Variants in FNBP1L observed in about 807,000 individuals in gnomAD.
FNBP1L encodes formin binding protein 1 like.
FNBP1L carries 36 observed loss-of-function variants against 91.2 expected under a neutral mutation model. That is an observed-to-expected ratio of 0.39 (90% CI 0.30 to 0.52). FNBP1L has a LOEUF of 0.52. Ranked by LOEUF, FNBP1L falls within the 20% of genes least tolerant of loss-of-function variation. The probability of loss-of-function intolerance (pLI) is 0.66; values close to 1 mark genes in which losing one functional copy is unlikely to be tolerated. For missense variants in FNBP1L, 571 were observed against 732.1 expected, an observed-to-expected ratio of 0.78 and a Z score of 2.54; for synonymous variants, 242 against 237.0, an observed-to-expected ratio of 1.02 and a Z score of -0.19.
intron 1 of FNBP1L, among the ~76,000 whole-genome samples, chr1:93,474,436 C>T (rs755129093): frequency 5.9e-5 from 9 of 151,862 alleles, no homozygotes; most frequent in African/African-American, 1.7e-4. Context: ...GCCCTTACTC[C>T]GAAGATAAGT....
Position 93,534,870 on chromosome 1 carries a change from G to T in FNBP1L, c.952G>T (p.Ala318Ser). The change falls in exon 9 of 17, where the codon GCC becomes TCC. Residue 318 changes from alanine to serine, a missense_variant. Coordinates refer to ENST00000271234, the MANE Select transcript of FNBP1L (RefSeq NM_001164473.3). Reference sequence around the variant, plus strand: ...GGATGCCAAAACCACAGTAGGAAAGGCCAAGGGCAAATTGTGGCTCTTTGG... The same window carrying T: ...GGATGCCAAAACCACAGTAGGAAAGTCCAAGGGCAAATTGTGGCTCTTTGG... ...KMDAKTTVGK[A>S]KGKLWLFGKK... 6.3e-7 allele frequency: 1 copy of T among 1,578,072 alleles called. No individual in the cohort carries two copies. Among genetic ancestry groups the T allele is most frequent in the Non-Finnish European group, 8.6e-7 (1 of 1,160,730 alleles).
intron 2 of FNBP1L, among the ~76,000 whole-genome samples, chr1:93,517,074 C>T (rs1460106927): frequency 5.5e-5 from 8 of 146,354 alleles, no homozygotes; most frequent in African/African-American, 1.5e-4. Context: ...GAGCCTTGCT[C>T]TGTCGCCCAG....
chr1:93,490,033 AATG>A (rs1670043153), intron 1 of FNBP1L, among the ~76,000 whole-genome samples: 1 of 152,226 alleles, frequency 6.6e-6, no homozygotes, highest in Non-Finnish European at 1.5e-5. Flanking sequence ...GTATTTTTAA[AATG>A]ATGATGACAC....
At chr1:93,547,064 GTTTATA>G (rs1672266428) in intron 13 of FNBP1L, 90 bp downstream of exon 13, 6 of 1,353,752 alleles carry the variant, frequency 4.4e-6, no homozygotes, top group Non-Finnish European at 6.1e-6. Flanking sequence ...ATCTTCAAAT[GTTTATA>G]TTTAATGTTA....
At chr1:93,495,665 T>C (rs1039705262) in intron 1 of FNBP1L, among the ~76,000 whole-genome samples, 1 of 152,194 alleles carries the variant, frequency 6.6e-6, no homozygotes, top group Non-Finnish European at 1.5e-5. Context: ...CATTTTTCTT[T>C]AACTAGTATG....
At chr1:93,508,934 C>A (rs1293573739) in intron 2 of FNBP1L, among the ~76,000 whole-genome samples, 1 of 152,130 alleles carries the variant, frequency 6.6e-6, no homozygotes, top group Non-Finnish European at 1.5e-5. Flanking sequence ...GGCTCTTTTT[C>A]CGTGGCTTTA....
chr1:93,512,492 C>T (rs1460968361), intron 2 of FNBP1L, among the ~76,000 whole-genome samples: 1 of 152,024 alleles, frequency 6.6e-6, no homozygotes. Context: ...CCACACCACA[C>T]CTATTCCAAA....
At chr1:93,467,532 A>G (rs1669132060) in intron 1 of FNBP1L, among the ~76,000 whole-genome samples, 1 of 152,148 alleles carries the variant, frequency 6.6e-6, no homozygotes, top group Non-Finnish European at 1.5e-5. Flanking sequence ...TCAGTTTTGC[A>G]AGATAAAAAG....
intron 15 of FNBP1L, among the ~76,000 whole-genome samples, chr1:93,549,855 C>CCCA: frequency 6.6e-6 from 1 of 152,128 alleles, no homozygotes; most frequent in South Asian, 2.1e-4. Flanking sequence ...TAGCTGAATG[C>CCCA]CATCATCATA....
chr1:93,519,317 T>C (rs1216243818), intron 2 of FNBP1L, among the ~76,000 whole-genome samples: 1 of 152,228 alleles, frequency 6.6e-6, no homozygotes, highest in Non-Finnish European at 1.5e-5. Flanking sequence ...AGTTCTTAAA[T>C]GCTCTGTTTT....
In FNBP1L at chr1:93,554,441, A is replaced by G. The variant is rs1283275563; in HGVS notation, c.*2025A>G. The G allele has an allele frequency of 2.6e-5, 4 of 152,690 alleles. No individual in the cohort carries two copies. Among genetic ancestry groups the G allele is most frequent in the Non-Finnish European group, 4.4e-5 (3 of 68,052 alleles). The allele number at this position is 152,690 out of a possible 1,614,324, so 9.5% of individuals were successfully genotyped here. The stretch of plus-strand genomic sequence containing the variant: ...CTTGATGTGGAATAGTGCAACCTGT[A>G]TATGGGTTATTATAATAGGAAAGAC... On this transcript the variant is annotated 3_prime_UTR_variant, in exon 17 of 17. Coordinates refer to ENST00000271234, the MANE Select transcript of FNBP1L (RefSeq NM_001164473.3).
chr1:93,499,983 T>C (rs1670391672), intron 2 of FNBP1L, among the ~76,000 whole-genome samples: 1 of 152,218 alleles, frequency 6.6e-6, no homozygotes, highest in Admixed American at 6.5e-5. Context: ...AAATAGAGTG[T>C]GTGCTGAGCT....
chr1:93,508,090 A>C (rs2101733593), intron 2 of FNBP1L, among the ~76,000 whole-genome samples: 1 of 152,060 alleles, frequency 6.6e-6, no homozygotes. Flanking sequence ...GCTAACCCCC[A>C]TAATCCCAGC....
chr1:93,460,179 T>A (rs184437922), intron 1 of FNBP1L, among the ~76,000 whole-genome samples: 18 of 152,246 alleles, frequency 1.2e-4, no homozygotes, highest in African/African-American at 3.4e-4. Flanking sequence ...AAGAAGTGAT[T>A]AGTCTGTAAG....
intron 2 of FNBP1L, among the ~76,000 whole-genome samples, chr1:93,519,718 G>A (rs568100559): frequency 3.3e-5 from 5 of 152,328 alleles, no homozygotes; most frequent in Non-Finnish European, 7.4e-5. Flanking sequence ...GGGAGGCCAA[G>A]GCAGGCGGAT....
At chr1:93,501,908 A>G (rs757432883) in intron 2 of FNBP1L, among the ~76,000 whole-genome samples, 4 of 152,202 alleles carry the variant, frequency 2.6e-5, no homozygotes, top group Non-Finnish European at 5.9e-5. Flanking sequence ...GAAAAATACA[A>G]GTGAGCAAAG....
At chr1:93,511,694 C>A (rs574531913) in intron 2 of FNBP1L, among the ~76,000 whole-genome samples, 1 of 152,166 alleles carries the variant, frequency 6.6e-6, no homozygotes, top group Non-Finnish European at 1.5e-5. Context: ...CGGCCGGGTG[C>A]GGTGGCTCAC....
At chr1:93,475,580 C>T (rs1028883867) in intron 1 of FNBP1L, among the ~76,000 whole-genome samples, 3 of 152,134 alleles carry the variant, frequency 2.0e-5, no homozygotes, top group Non-Finnish European at 4.4e-5. Context: ...TTATCTCCAC[C>T]ACTCAGTACA....
At chr1:93,533,840 C>T (rs1446900548) in intron 8 of FNBP1L, among the ~76,000 whole-genome samples, 1 of 152,150 alleles carries the variant, frequency 6.6e-6, no homozygotes, top group Non-Finnish European at 1.5e-5. Context: ...GCCCTCTTCT[C>T]TCTAATTACC....
Sources: gnomAD v4.1 joint callset for allele counts (sites outside exome capture counted in the v4.1 genomes callset) on GRCh38, gnomAD v4.1.1 for gene constraint, MANE v1.5 for transcripts, NCBI Gene and HGNC (gene_info 2026-07-23, HGNC 2026-07-21) for gene names.